Variants in PCDHGA10 observed in about 807,000 individuals in gnomAD.
PCDHGA10 encodes protocadherin gamma subfamily A, 10.
Under a neutral mutation model 59.5 loss-of-function variants are expected in PCDHGA10, and 42 were observed. That is an observed-to-expected ratio of 0.71 (90% CI 0.55 to 0.91). The LOEUF is 0.91. Among genes scored for constraint, PCDHGA10 ranks in the 40% least tolerant of loss-of-function variants. PCDHGA10 has a pLI of 0.00. For missense variants in PCDHGA10, 1,111 were observed against 1,198.2 expected (o/e 0.93, Z 1.07); for synonymous variants, 511 against 517.2 (o/e 0.99, Z 0.16).
Position 141,414,836 on chromosome 5 carries a change from T to C in PCDHGA10, c.1661T>C (p.Leu554Pro). ...CTCAGCAGCAACGTGTCGTTGAGCC[T>C]GTTTGTGCTGGACCAGAACGACAAT... ...PPLSSNVSLS[L>P]FVLDQNDNAP... The change falls in exon 1 of 4, where the codon CTG becomes CCG. Residue 554 changes from leucine to proline, a missense_variant. By Grantham distance (98) the Leu-to-Pro change is moderately conservative. Transcript: ENST00000398610. The C allele has an allele frequency of 6.2e-7, 1 of 1,614,222 alleles. No homozygotes were observed. The highest frequency in any genetic ancestry group is 8.5e-7 in the Non-Finnish European group (1 of 1,180,040).
intron 1 of PCDHGA10, among the ~76,000 whole-genome samples, chr5:141,449,281 G>A (rs1051064124): frequency 6.6e-6 from 1 of 151,946 alleles, no homozygotes; most frequent in Non-Finnish European, 1.5e-5. Context: ...TCCTTCACCC[G>A]GATGCACCGG....
chr5:141,471,044 CT>C (rs1432278092), intron 1 of PCDHGA10, among the ~76,000 whole-genome samples: 3 of 136,442 alleles, frequency 2.2e-5, no homozygotes. Flanking sequence ...AGCCCAAGCC[CT>C]CTTTTTTTTT....
chr5:141,428,111 C>G (rs760446304), intron 1 of PCDHGA10: 2 of 1,607,622 alleles, frequency 1.2e-6, no homozygotes, highest in Non-Finnish European at 1.7e-6. Context: ...TGCTGCAGGC[C>G]ATCGAGCCCG....
rs1562144438 is a variant in PCDHGA10, at chr5:141,491,135, G to A, written c.2437-3672G>A. On this transcript the variant is annotated intron_variant, in intron 1 of 3. Transcript: ENST00000398610. The surrounding 1 kb of genome is among the most constrained non-coding windows in gnomAD (Gnocchi z 6.9). Reference sequence around the variant, plus strand: ...CACACTGGTGAGGTGCGCACAGCCCGGGCCTTACTGGAGGATGACTCTGAC... The same window carrying A: ...CACACTGGTGAGGTGCGCACAGCCCAGGCCTTACTGGAGGATGACTCTGAC... 4 of 1,614,104 alleles carry A rather than the reference G, an allele frequency of 2.5e-6. No homozygotes were observed. The highest frequency in any genetic ancestry group is 1.3e-5 in the African/African-American group (1 of 75,034).
At chr5:141,419,155 A>G in intron 1 of PCDHGA10, 1 of 1,613,966 alleles carries the variant, frequency 6.2e-7, no homozygotes, top group Middle Eastern at 1.6e-4. Context: ...AGCCTCCGTT[A>G]TCCTCCAGCA....
chr5:141,423,877 C>G, intron 1 of PCDHGA10: 1 of 1,283,890 alleles, frequency 7.8e-7, no homozygotes, highest in South Asian at 3.4e-5. Flanking sequence ...ATTTTTCAAT[C>G]TTGGCATATT....
chr5:141,423,969 C>G, intron 1 of PCDHGA10: 1 of 1,147,718 alleles, frequency 8.7e-7, no homozygotes, highest in Non-Finnish European at 1.1e-6. Flanking sequence ...TTTCTATTAT[C>G]AGTGTATGAG....
intron 1 of PCDHGA10, chr5:141,484,853 G>T (rs747582810): frequency 2.5e-4 from 64 of 251,466 alleles, no homozygotes; most frequent in Non-Finnish European, 4.3e-4. Flanking sequence ...GGGTTTTTTG[G>T]GGGGTGGGGG....
rs1006751011 is a variant in PCDHGA10, at chr5:141,431,033, C to T, written c.2436+15422C>T. ...CTTGGTCACGGCGGGCAGGATAGAC[C>T]GGGAGGAGCTCTGTATGGGGGCCAT... On this transcript the variant is annotated intron_variant, in intron 1 of 3. Coordinates refer to ENST00000398610, the MANE Select transcript of PCDHGA10 (RefSeq NM_018913.3). This position sits in a 1 kb window ranked among gnomAD's most constrained non-coding sequence, Gnocchi z 4.8. 1.2e-6 allele frequency: 2 copies of T among 1,613,864 alleles called. No homozygotes were observed. The highest frequency in any genetic ancestry group is 1.3e-5 in the African/African-American group (1 of 74,924).
chr5:141,469,395 T>G lies in PCDHGA10; in HGVS notation c.2437-25412T>G, dbSNP rs1332746609. ...ATCGAGACCATCCTGGCCAACATGG[T>G]GAAACCCCGTTTCTACTAAAAATAT... On this transcript the variant is annotated intron_variant, in intron 1 of 3. Transcript: ENST00000398610. Among the ~76,000 whole-genome samples, 6 of 152,194 alleles carry G rather than the reference T, an allele frequency of 3.9e-5. No homozygotes were observed. The East Asian group carries it at 1.2e-3, about 29-fold the overall frequency.
intron 2 of PCDHGA10, among the ~76,000 whole-genome samples, chr5:141,502,408 G>A (rs1197275813): frequency 6.6e-6 from 1 of 151,782 alleles, no homozygotes; most frequent in Non-Finnish European, 1.5e-5. Context: ...CCCGAACCTG[G>A]ATTTGCTGGC....
Position 141,477,898 on chromosome 5 carries a change from A to G in PCDHGA10, c.2437-16909A>G. 1 of 1,614,158 alleles carries G rather than the reference A, an allele frequency of 6.2e-7. No homozygotes were observed. Among genetic ancestry groups the G allele is most frequent in the Middle Eastern group, 1.6e-4 (1 of 6,062 alleles). ...CTGGCCACCTAGTGTCACGGGTGGTAGGCTGGGACGCGGATGCAGGGCACA... is the reference window on the plus strand; with the variant it reads ...CTGGCCACCTAGTGTCACGGGTGGTGGGCTGGGACGCGGATGCAGGGCACA... On this transcript the variant is annotated intron_variant, in intron 1 of 3. Coordinates refer to ENST00000398610, the MANE Select transcript of PCDHGA10 (RefSeq NM_018913.3). This position sits in a 1 kb window ranked among gnomAD's most constrained non-coding sequence, Gnocchi z 4.9.
intron 3 of PCDHGA10, among the ~76,000 whole-genome samples, chr5:141,506,484 C>T (rs1489425559): frequency 6.6e-6 from 1 of 150,566 alleles, no homozygotes; most frequent in Non-Finnish European, 1.5e-5. Context: ...GCTTTAGAGG[C>T]AGGCCAATCT....
At chr5:141,449,198 A>C (rs2098631518) in intron 1 of PCDHGA10, among the ~76,000 whole-genome samples, 1 of 152,188 alleles carries the variant, frequency 6.6e-6, no homozygotes, top group Non-Finnish European at 1.5e-5. Context: ...AAGAAGTGTT[A>C]ATTCTAACTT....
chr5:141,483,530 GC>G (rs1384645281), intron 1 of PCDHGA10, among the ~76,000 whole-genome samples: 2 of 152,158 alleles, frequency 1.3e-5, no homozygotes, highest in African/African-American at 4.8e-5. Flanking sequence ...GACTAAGGAA[GC>G]TGGGTGGTTG....
intron 1 of PCDHGA10, chr5:141,422,091 G>C: frequency 6.2e-7 from 1 of 1,611,830 alleles, no homozygotes. Context: ...TGGAAAGCAA[G>C]GCTTCTGAAA....
Position 141,490,900 on chromosome 5 carries a change from G to A in PCDHGA10, c.2437-3907G>A, listed in dbSNP as rs2099705863. 2 of 1,613,796 alleles carry A rather than the reference G, an allele frequency of 1.2e-6. No individual in the cohort carries two copies. The highest frequency in any genetic ancestry group is 2.7e-5 in the African/African-American group (2 of 75,050). ...TGCCAACACATCTCTGCATGTGTTT[G>A]TCCTAGACGAGAATGATAATGCCCC... On this transcript the variant is annotated intron_variant, in intron 1 of 3. Transcript: ENST00000398610. The surrounding 1 kb of genome is among the most constrained non-coding windows in gnomAD (Gnocchi z 5.4).
chr5:141,474,986 A>G (rs1328341214), intron 1 of PCDHGA10, among the ~76,000 whole-genome samples: 1 of 152,238 alleles, frequency 6.6e-6, no homozygotes, highest in Non-Finnish European at 1.5e-5. Context: ...GTTTGGTGAC[A>G]ACAATTCTAA....
chr5:141,489,867 G>C lies in PCDHGA10; in HGVS notation c.2437-4940G>C. ...ATCGTGAAGCCCAGGCAAGACATCA[G>C]CTGGTGCTTACTGCTGTGGATGGGG... On this transcript the variant is annotated intron_variant, in intron 1 of 3. Transcript: ENST00000398610. This position sits in a 1 kb window ranked among gnomAD's most constrained non-coding sequence, Gnocchi z 4.5. 1 of 1,614,240 alleles carries C rather than the reference G, an allele frequency of 6.2e-7. No individual in the cohort carries two copies. Among genetic ancestry groups the C allele is most frequent in the Non-Finnish European group, 8.5e-7 (1 of 1,180,034 alleles).
Sources: gnomAD v4.1 joint callset for allele counts (sites outside exome capture counted in the v4.1 genomes callset) on GRCh38, gnomAD v4.1.1 for gene constraint, Gnocchi (gnomAD v3.1) non-coding constraint, MANE v1.5 for transcripts, NCBI Gene and HGNC (gene_info 2026-07-23, HGNC 2026-07-21) for gene names.